The following WWOX variants were observed in gnomAD, a reference collection of about 807,000 sequenced individuals.
The protein encoded by WWOX is WW domain-containing oxidoreductase.
In WWOX, 69 loss-of-function variants were observed where a neutral mutation model predicts 46.2. That is an observed-to-expected ratio of 1.49 (90% confidence interval 1.23 to 1.82). The LOEUF is 1.82. WWOX is among the 40% of genes most tolerant of loss of function. WWOX has a pLI of 0.00. For missense variants in WWOX, 919 were observed against 542.6 expected (o/e 1.69, Z -6.89); for synonymous variants, 359 against 202.6 (o/e 1.77, Z -6.56).
intron 6 of WWOX, among the ~76,000 whole-genome samples, chr16:78,423,465 T>C (rs2083000076): frequency 6.6e-6 from 1 of 152,202 alleles, no homozygotes; most frequent in Non-Finnish European, 1.5e-5. Flanking sequence ...ATATTTATTT[T>C]GTTGTATAGT....
At chr16:78,555,168 TAAAAAAAA>T (rs10635594) in intron 8 of WWOX, among the ~76,000 whole-genome samples, 2 of 128,428 alleles carry the variant, frequency 1.6e-5, no homozygotes, top group Admixed American at 8.3e-5. Context: ...TATGATTTTG[TAAAAAAAA>T]AAAAAAAAAA....
intron 8 of WWOX, among the ~76,000 whole-genome samples, chr16:78,841,354 G>C (rs2052144198): frequency 6.6e-6 from 1 of 152,154 alleles, no homozygotes; most frequent in African/African-American, 2.4e-5. Context: ...TAAATAGTTG[G>C]GTGCTAGACA....
At chr16:78,950,333 G>A (rs565047005) in intron 8 of WWOX, among the ~76,000 whole-genome samples, 1 of 152,152 alleles carries the variant, frequency 6.6e-6, no homozygotes. Context: ...AGAAAGGAAA[G>A]GAGAAGTTGA....
At chr16:78,845,781 A>G (rs2052282922) in intron 8 of WWOX, among the ~76,000 whole-genome samples, 1 of 152,250 alleles carries the variant, frequency 6.6e-6, no homozygotes, top group Admixed American at 6.5e-5. Flanking sequence ...ATTTAATGGA[A>G]TCAAGAAATG....
At chr16:78,853,852 G>C (rs988585805) in intron 8 of WWOX, among the ~76,000 whole-genome samples, 2 of 152,076 alleles carry the variant, frequency 1.3e-5, no homozygotes, top group African/African-American at 4.8e-5. Context: ...TAGATCTTCA[G>C]GTAAAATGGA....
At chr16:78,919,019 T>C (rs2151266659) in intron 8 of WWOX, among the ~76,000 whole-genome samples, 1 of 152,194 alleles carries the variant, frequency 6.6e-6, no homozygotes, top group Non-Finnish European at 1.5e-5. Context: ...TGTCAGGTAG[T>C]GTGTAACTTC....
chr16:79,167,991 T>C (rs1438478664), intron 8 of WWOX, among the ~76,000 whole-genome samples: 2 of 152,220 alleles, frequency 1.3e-5, no homozygotes, highest in Non-Finnish European at 2.9e-5. Context: ...ATGTGACCTT[T>C]TGTGTCTAGC....
At chr16:78,233,324 A>G (rs2151810282) in intron 5 of WWOX, among the ~76,000 whole-genome samples, 1 of 152,244 alleles carries the variant, frequency 6.6e-6, no homozygotes, top group African/African-American at 2.4e-5. Context: ...TTGTGGTAAA[A>G]ACACTTAACA....
chr16:78,838,046 G>T (rs1306630529), intron 8 of WWOX, among the ~76,000 whole-genome samples: 1 of 152,170 alleles, frequency 6.6e-6, no homozygotes, highest in Non-Finnish European at 1.5e-5. Flanking sequence ...GGCACAGTTA[G>T]AGGCCAGGAA....
At chr16:79,022,459 C>G (rs915940964) in intron 8 of WWOX, among the ~76,000 whole-genome samples, 15 of 150,986 alleles carry the variant, frequency 9.9e-5, no homozygotes, top group Non-Finnish European at 2.1e-4. Context: ...TACATTTTGT[C>G]TCTGTGCCCT....
intron 8 of WWOX, among the ~76,000 whole-genome samples, chr16:78,567,848 A>G (rs1184757790): frequency 6.6e-6 from 1 of 152,100 alleles, no homozygotes; most frequent in Non-Finnish European, 1.5e-5. Context: ...CTGGAGTGAC[A>G]GAGTGTGTCA....
intron 8 of WWOX, among the ~76,000 whole-genome samples, chr16:79,051,893 T>G (rs2048174193): frequency 1.3e-5 from 2 of 152,240 alleles, no homozygotes; most frequent in South Asian, 2.1e-4. Context: ...CCTGGCATGC[T>G]TATACTGGTC....
intron 8 of WWOX, among the ~76,000 whole-genome samples, chr16:78,637,020 T>C (rs557194144): frequency 2.6e-5 from 4 of 152,152 alleles, no homozygotes; most frequent in African/African-American, 9.6e-5. Flanking sequence ...AGGTTGAGGG[T>C]TCAAGCTGTC....
chr16:78,585,236 C>T (rs1364959873), intron 8 of WWOX, among the ~76,000 whole-genome samples: 1 of 152,230 alleles, frequency 6.6e-6, no homozygotes, highest in Non-Finnish European at 1.5e-5. Context: ...AATCTGCAAA[C>T]TCAGGCTGAA....
chr16:78,241,427 T>C (rs1366338606), intron 5 of WWOX, among the ~76,000 whole-genome samples: 3 of 152,064 alleles, frequency 2.0e-5, no homozygotes, highest in Non-Finnish European at 4.4e-5. Flanking sequence ...TTTGTTTTTT[T>C]GGTTTGTTTG....
intron 5 of WWOX, among the ~76,000 whole-genome samples, chr16:78,164,780 T>C (rs1254763535): frequency 1.3e-5 from 2 of 152,200 alleles, no homozygotes; most frequent in Non-Finnish European, 2.9e-5. Flanking sequence ...ATCCCTGCCC[T>C]CATAGGCTTA....
At chr16:78,504,931 G>T (rs1403579537) in intron 8 of WWOX, among the ~76,000 whole-genome samples, 1 of 152,106 alleles carries the variant, frequency 6.6e-6, no homozygotes, top group Non-Finnish European at 1.5e-5. Context: ...ACTGGGAAAC[G>T]TTGCAGGACT....
chr16:79,005,932 A>G (rs1240558646), intron 8 of WWOX, among the ~76,000 whole-genome samples: 1 of 152,038 alleles, frequency 6.6e-6, no homozygotes, highest in Non-Finnish European at 1.5e-5. Flanking sequence ...CCTGGGAGAA[A>G]CCCATCCATA....
intron 8 of WWOX, among the ~76,000 whole-genome samples, chr16:78,540,758 C>G (rs898571953): frequency 9.2e-5 from 14 of 152,060 alleles, no homozygotes; most frequent in Non-Finnish European, 1.8e-4. Context: ...ATGATCATAA[C>G]TCATGGTGAC....
Sources: allele counts gnomAD v4.1 joint callset (sites outside exome capture counted in the v4.1 genomes callset), GRCh38; gene constraint gnomAD v4.1.1; transcripts MANE v1.5; gene names NCBI Gene and HGNC (gene_info 2026-07-23, HGNC 2026-07-21).